The following SNRPN variants were observed in gnomAD, a reference collection of about 807,000 sequenced individuals.
SNRPN encodes the protein small nuclear ribonucleoprotein-associated protein N.
Under a neutral mutation model 25.2 loss-of-function variants are expected in SNRPN, and 7 were observed. That is an observed-to-expected ratio of 0.28 (90% confidence interval 0.16 to 0.52). The LOEUF (loss-of-function observed/expected upper bound fraction) is 0.52, where lower values mean the gene tolerates loss of function less well. Among genes scored for constraint, SNRPN ranks in the 20% least tolerant of loss-of-function variants. SNRPN has a pLI of 0.96. For synonymous variants in SNRPN, 124 were observed against 110.6 expected (o/e 1.12, Z -0.76); for missense variants, 196 against 322.5 (o/e 0.61, Z 3.00).
chr15:24,886,903 G>A (rs1233562775), intron 2 of SNRPN, among the ~76,000 whole-genome samples: 2 of 151,676 alleles, frequency 1.3e-5, no homozygotes, highest in Non-Finnish European at 2.9e-5. Flanking sequence ...AACAAAGTAA[G>A]ACTAACTGTG....
At chr15:24,833,198 C>A (rs1441584526) in intron 2 of SNRPN, among the ~76,000 whole-genome samples, 1 of 147,026 alleles carries the variant, frequency 6.8e-6, no homozygotes, top group African/African-American at 2.5e-5. Context: ...TCCTGGGTTG[C>A]TGTGGTGTTA....
At chr15:24,859,891 C>G (rs1478141054) in intron 1 of SNRPN, among the ~76,000 whole-genome samples, 1 of 152,212 alleles carries the variant, frequency 6.6e-6, no homozygotes, top group Non-Finnish European at 1.5e-5. Context: ...GGATGTAGCA[C>G]TGAGGACGAC....
chr15:24,844,611 G>A (rs1164033090), intron 2 of SNRPN, among the ~76,000 whole-genome samples: 1 of 151,926 alleles, frequency 6.6e-6, no homozygotes, highest in East Asian at 1.9e-4. Flanking sequence ...TGCAACTTCC[G>A]CCTCCTGGGT....
chr15:24,857,242 TGTC>T (rs1267198578), intron 1 of SNRPN, among the ~76,000 whole-genome samples: 7 of 152,358 alleles, frequency 4.6e-5, no homozygotes, highest in South Asian at 4.1e-4. Flanking sequence ...CAAATAGGAA[TGTC>T]GTCATGTTGT....
chr15:24,921,834 T>C (rs1199782039), intron 3 of SNRPN, among the ~76,000 whole-genome samples: 7 of 152,118 alleles, frequency 4.6e-5, no homozygotes, highest in African/African-American at 1.7e-4. Context: ...TCACTATCAG[T>C]TGAGTACTTA....
chr15:24,905,939 T>C (rs2058770876), intron 2 of SNRPN, among the ~76,000 whole-genome samples: 1 of 152,146 alleles, frequency 6.6e-6, no homozygotes, highest in Admixed American at 6.5e-5. Context: ...TATTTGAAAC[T>C]GTAGGAACGA....
At chr15:24,937,227 G>A (rs750358316) in intron 3 of SNRPN, among the ~76,000 whole-genome samples, 6 of 151,986 alleles carry the variant, frequency 3.9e-5, no homozygotes, top group Non-Finnish European at 5.9e-5. Context: ...GCGACAGAGC[G>A]AGACTCCGTC....
At chr15:24,940,402 C>T (rs1406997040) in intron 3 of SNRPN, among the ~76,000 whole-genome samples, 1 of 152,046 alleles carries the variant, frequency 6.6e-6, no homozygotes, top group East Asian at 1.9e-4. Context: ...GGAAAGGGTC[C>T]AACTTCATTC....
At chr15:24,948,061 T>C (rs1480904030) in intron 3 of SNRPN, among the ~76,000 whole-genome samples, 3 of 152,090 alleles carry the variant, frequency 2.0e-5, no homozygotes, top group Non-Finnish European at 1.5e-5. Context: ...CATCAGTGTT[T>C]CACAATGTAA....
chr15:24,971,113 A>G (rs1252209294), intron 3 of SNRPN, among the ~76,000 whole-genome samples: 21 of 152,174 alleles, frequency 1.4e-4, no homozygotes, highest in Admixed American at 6.5e-5. Flanking sequence ...TTTTGAATTA[A>G]AGTAGATTTA....
intron 2 of SNRPN, among the ~76,000 whole-genome samples, chr15:24,840,932 C>T (rs2143012619): frequency 6.6e-6 from 1 of 152,280 alleles, no homozygotes; most frequent in South Asian, 2.1e-4. Context: ...ACCTCCGCCT[C>T]CCAGGTTTAA....
chr15:24,921,937 G>T (rs771578443), intron 3 of SNRPN, among the ~76,000 whole-genome samples: 1 of 150,664 alleles, frequency 6.6e-6, no homozygotes, highest in Admixed American at 6.7e-5. Context: ...GGTGGCTCAC[G>T]CCTGTAATCC....
At chr15:24,914,309 A>G (rs966265133) in intron 2 of SNRPN, among the ~76,000 whole-genome samples, 4 of 152,208 alleles carry the variant, frequency 2.6e-5, no homozygotes, top group Non-Finnish European at 5.9e-5. Flanking sequence ...TTTTCACCCT[A>G]CAAAGAGCCA....
intron 3 of SNRPN, among the ~76,000 whole-genome samples, chr15:24,946,838 T>A (rs1308232994): frequency 6.6e-6 from 1 of 152,216 alleles, no homozygotes. Context: ...ATCCAGAACA[T>A]GATTTTTAAA....
intron 2 of SNRPN, among the ~76,000 whole-genome samples, chr15:24,890,078 A>G (rs1271253794): frequency 6.6e-6 from 1 of 151,476 alleles, no homozygotes; most frequent in Non-Finnish European, 1.5e-5. Flanking sequence ...GATATCCTCA[A>G]TTGCGGTGCC....
At chr15:24,835,515 C>A (rs1011484539) in intron 2 of SNRPN, among the ~76,000 whole-genome samples, 1 of 152,034 alleles carries the variant, frequency 6.6e-6, no homozygotes, top group Non-Finnish European at 1.5e-5. Context: ...TTCACTGGAA[C>A]CTGCTTCCAT....
intron 1 of SNRPN, among the ~76,000 whole-genome samples, chr15:24,879,446 A>AG (rs2056367155): frequency 2.6e-5 from 4 of 151,982 alleles, no homozygotes; most frequent in Non-Finnish European, 1.5e-5. Context: ...CTACAAAAAA[A>AG]AAAGAAAGAA....
chr15:24,837,904 G>T (rs1318237553), intron 2 of SNRPN, among the ~76,000 whole-genome samples: 1 of 150,864 alleles, frequency 6.6e-6, no homozygotes, highest in African/African-American at 2.4e-5. Flanking sequence ...TGTATTTTTA[G>T]TAGAGACAGG....
intron 1 of SNRPN, among the ~76,000 whole-genome samples, chr15:24,858,513 A>G (rs55842004): frequency 0.27 from 40,945 of 151,974 alleles, 6,551 homozygotes; most frequent in Non-Finnish European, 0.37. Context: ...AAAGTAAACC[A>G]GGAGCCTGGC....
Sources: allele counts gnomAD v4.1 joint callset (sites outside exome capture counted in the v4.1 genomes callset), GRCh38; gene constraint gnomAD v4.1.1; transcripts MANE v1.5; gene names NCBI Gene and HGNC (gene_info 2026-07-23, HGNC 2026-07-21).